SMO: variants seen among roughly 807,000 people sequenced by gnomAD.
The protein encoded by SMO is smoothened, frizzled class receptor, also known as protein smoothened.
Under a neutral mutation model 81.6 loss-of-function variants are expected in SMO, and 40 were observed. The observed-to-expected ratio is 0.49, with a 90% confidence interval of 0.38 to 0.64. The LOEUF (loss-of-function observed/expected upper bound fraction) is 0.64. Ranked by LOEUF, SMO falls within the 30% of genes least tolerant of loss-of-function variation. SMO has a pLI of 0.00. For missense variants in SMO, 916 were observed against 1,061.1 expected, an observed-to-expected ratio of 0.86 and a Z score of 1.90; for synonymous variants, 434 against 432.1, an observed-to-expected ratio of 1.00 and a Z score of -0.05.
chr7:129,211,462 G>A lies in SMO; in HGVS notation c.1802-174G>A. 1.3e-6 allele frequency: 1 copy of A among 776,358 alleles called. No individual in the cohort carries two copies. The highest frequency in any genetic ancestry group is 2.2e-6 in the Non-Finnish European group (1 of 450,560). The allele number at this position is 776,358 out of a possible 1,614,324, so 48.1% of individuals were successfully genotyped here. ...CCAGTTAGGCCCTTTGGGGACGTGA[G>A]GCCCTTCTCTTCAGATTCTGAAGGG... On this transcript the variant is annotated intron_variant, in intron 10 of 11. Transcript: ENST00000249373. The surrounding 1 kb of genome is among the most constrained non-coding windows in gnomAD (Gnocchi z 4.6).
rs539357460 is a variant in SMO, at chr7:129,204,048, A to T, written c.537+459A>T. ...TAATTAGTCCTGTTTACTATATGCC[A>T]AATGCCATTATAATAAGCTCATGCC... On this transcript the variant is annotated intron_variant, in intron 2 of 11. Transcript: ENST00000249373. 1.6e-4 allele frequency among the ~76,000 whole-genome samples: 24 copies of T among 152,234 alleles called. No homozygotes were observed. In the Middle Eastern group the frequency reaches 0.01, roughly 65 times the overall value.
At chr7:129,196,775 C>T (rs141443611) in intron 1 of SMO, among the ~76,000 whole-genome samples, 3,898 of 151,846 alleles carry the variant, frequency 0.026, 157 homozygotes, top group African/African-American at 0.09. Flanking sequence ...CCCAGCACTT[C>T]GGGAGGCCAA....
intron 1 of SMO, among the ~76,000 whole-genome samples, chr7:129,195,923 A>G (rs1793568911): frequency 1.3e-5 from 2 of 151,918 alleles, no homozygotes; most frequent in African/African-American, 2.4e-5. Flanking sequence ...AACACGGTGA[A>G]ACCCCATCTC....
rs1793445367 is a variant in SMO at position 129,189,275 on chromosome 7, CGGAGCGCGGGCG to C, written c.133_144del (p.Gly45_Ala48del). On this transcript the variant is annotated inframe_deletion, in exon 1 of 12. Coordinates refer to ENST00000249373, the MANE Select transcript of SMO (RefSeq NM_005631.5). This position sits in a 1 kb window ranked among gnomAD's most constrained non-coding sequence, Gnocchi z 4.7. ...CGGGAACGCGACCGGGCCTGGGCCT[CGGAGCGCGGGCG>C]GGAGCGCGAGGAGGAGCGCGGCGGT... is the stretch of plus-strand genomic sequence containing the variant. The C allele has an allele frequency of 7.2e-7, 1 of 1,388,966 alleles. No individual in the cohort carries two copies. Among genetic ancestry groups the C allele is most frequent in the Non-Finnish European group, 9.2e-7 (1 of 1,081,588 alleles). The allele number at this position is 1,388,966 out of a possible 1,614,324, so 86.0% of individuals were successfully genotyped here.
In SMO at chr7:129,189,079, C is replaced by A; in HGVS notation, c.-73C>A. On this transcript the variant is annotated 5_prime_UTR_variant, in exon 1 of 12. Coordinates refer to ENST00000249373, the MANE Select transcript of SMO (RefSeq NM_005631.5). The surrounding 1 kb of genome is among the most constrained non-coding windows in gnomAD (Gnocchi z 4.7). Reference sequence around the variant, plus strand: ...GAGCCGCCTCCGCGGCCGCCGAGGTCGTGCGTGTGGCCGGGGGGCTCCGAG... The same window carrying A: ...GAGCCGCCTCCGCGGCCGCCGAGGTAGTGCGTGTGGCCGGGGGGCTCCGAG... The A allele has an allele frequency of 8.4e-7, 1 of 1,191,276 alleles. No homozygotes were observed. The highest frequency in any genetic ancestry group is 4.2e-5 in the South Asian group (1 of 23,584). 73.8% of individuals were successfully genotyped at this position (1,191,276 alleles called of 1,614,324 possible).
Position 129,208,551 on chromosome 7 carries a change from C to T in SMO, c.1265-208C>T, listed in dbSNP as rs34989446. Reference sequence around the variant, plus strand: ...TCTTCAGGGGCAGCTGGGCCACGACCGAGGCTCCCTCTTCTCAAGTGTCTG... The same window carrying T: ...TCTTCAGGGGCAGCTGGGCCACGACTGAGGCTCCCTCTTCTCAAGTGTCTG... On this transcript the variant is annotated intron_variant, in intron 6 of 11. Transcript: ENST00000249373. The surrounding 1 kb of genome is among the most constrained non-coding windows in gnomAD (Gnocchi z 5.2). Among the ~76,000 whole-genome samples, 4,111 of 152,234 alleles carry T rather than the reference C, an allele frequency of 0.027. 84 individuals are homozygous for T. Among genetic ancestry groups the T allele is most frequent in the Admixed American group, 0.06 (918 of 15,294 alleles).
rs2150646826 is a variant in SMO at position 129,203,536 on chromosome 7, G to A, written c.484G>A (p.Gly162Ser). The A allele has an allele frequency of 6.2e-7, 1 of 1,606,286 alleles. No individual in the cohort carries two copies. Among genetic ancestry groups the A allele is most frequent in the Non-Finnish European group, 8.5e-7 (1 of 1,179,656 alleles). Residue 162 changes from glycine (G) to serine (S), a missense_variant, in exon 2 of 12, where the codon GGC becomes AGC. Around this residue, in one of 4 missense-constraint regions of SMO, gnomAD observed 436 missense variants for 570.9 expected, o/e 0.76. Coordinates refer to ENST00000249373, the MANE Select transcript of SMO (RefSeq NM_005631.5). Reference sequence around the variant, plus strand: ...CTGTGCCATCGTGGAGAGGGAGCGGGGCTGGCCTGACTTCCTGCGCTGCAC... The same window carrying A: ...CTGTGCCATCGTGGAGAGGGAGCGGAGCTGGCCTGACTTCCTGCGCTGCAC... ...GPCAIVERER[G>S]WPDFLRCTPD...
At chr7:129,207,046 T>C (rs1793784237) in intron 6 of SMO, among the ~76,000 whole-genome samples, 1 of 152,186 alleles carries the variant, frequency 6.6e-6, no homozygotes, top group South Asian at 2.1e-4. Context: ...GGTTTCACCA[T>C]GTTAGCCAGG....
Position 129,212,963 on chromosome 7 carries a change from TC to T in SMO, c.*515del. 1 of 263,192 alleles carries T rather than the reference TC, an allele frequency of 3.8e-6. No homozygotes were observed. Among genetic ancestry groups the T allele is most frequent in the Non-Finnish European group, 7.3e-6 (1 of 137,904 alleles). 16.3% of individuals were successfully genotyped at this position (263,192 alleles called of 1,614,324 possible). On this transcript the variant is annotated 3_prime_UTR_variant, in exon 12 of 12. Coordinates refer to ENST00000249373, the MANE Select transcript of SMO (RefSeq NM_005631.5). The surrounding 1 kb of genome is among the most constrained non-coding windows in gnomAD (Gnocchi z 5.0). ...GTAGGGCCAGGGCACCGTATTCCTC[TC>T]CCAGGTGTTTGTGGGGCTGGAAGGA...
chr7:129,210,033 G>A lies in SMO; in HGVS notation c.1467-330G>A, dbSNP rs1793843506. ...CAGAGATTCAATTTAATTGTCTAGG[G>A]TGGGTCCCAGGCATCAGTAGCTATT... On this transcript the variant is annotated intron_variant, in intron 8 of 11. Transcript: ENST00000249373. The surrounding 1 kb of genome is among the most constrained non-coding windows in gnomAD (Gnocchi z 4.7). 8.7e-6 allele frequency: 2 copies of A among 228,970 alleles called. No homozygotes were observed. Among genetic ancestry groups the A allele is most frequent in the Non-Finnish European group, 1.8e-5 (2 of 113,712 alleles). 14.2% of individuals were successfully genotyped at this position (228,970 alleles called of 1,614,324 possible).
chr7:129,202,624 G>A (rs1563148492), intron 1 of SMO, among the ~76,000 whole-genome samples: 1 of 152,132 alleles, frequency 6.6e-6, no homozygotes, highest in Non-Finnish European at 1.5e-5. Context: ...ACTGGACAGA[G>A]CCTCTTCTGT....
intron 1 of SMO, among the ~76,000 whole-genome samples, chr7:129,201,557 T>C (rs1037681713): frequency 3.9e-5 from 6 of 152,144 alleles, no homozygotes; most frequent in African/African-American, 1.4e-4. Context: ...CCCCATATAT[T>C]CTCTCATGCT....
intron 1 of SMO, among the ~76,000 whole-genome samples, chr7:129,201,555 A>G (rs1793669895): frequency 6.6e-6 from 1 of 152,062 alleles, no homozygotes; most frequent in Admixed American, 6.6e-5. Flanking sequence ...ACCCCCATAT[A>G]TTCTCTCATG....
chr7:129,189,560 A>G lies in SMO; in HGVS notation c.331+78A>G, dbSNP rs941183059. ...GGGCACCCTTGGAAAGAACAGGCTC[A>G]GGCCTGAGTTTTGGAGAGGGCGGGG... On this transcript the variant is annotated intron_variant, in intron 1 of 11. Transcript: ENST00000249373. This position sits in a 1 kb window ranked among gnomAD's most constrained non-coding sequence, Gnocchi z 4.7. 4.1e-6 allele frequency: 6 copies of G among 1,472,642 alleles called. No homozygotes were observed. The highest frequency in any genetic ancestry group is 3.7e-5 in the South Asian group (3 of 81,162). The allele number at this position is 1,472,642 out of a possible 1,614,324, so 91.2% of individuals were successfully genotyped here.
rs777855917 is a variant in SMO, at chr7:129,211,802, G to A, written c.1936+32G>A. On this transcript the variant is annotated intron_variant, in intron 11 of 11. Coordinates refer to ENST00000249373, the MANE Select transcript of SMO (RefSeq NM_005631.5). This position sits in a 1 kb window ranked among gnomAD's most constrained non-coding sequence, Gnocchi z 4.6. ...GAGTTCAAGCTTCTGGAGGAAGGTG[G>A]GGGGAGCACAGAGGCTGGGGGCTTC... 2 of 1,613,402 alleles carry A rather than the reference G, an allele frequency of 1.2e-6. No homozygotes were observed. Among genetic ancestry groups the A allele is most frequent in the Non-Finnish European group, 1.7e-6 (2 of 1,179,666 alleles).
At chr7:129,193,190 A>T (rs550872615) in intron 1 of SMO, among the ~76,000 whole-genome samples, 13 of 152,320 alleles carry the variant, frequency 8.5e-5, no homozygotes, top group African/African-American at 2.9e-4. Flanking sequence ...TGCAGCTGGC[A>T]GTGGCGATAG....
chr7:129,189,513 G>C lies in SMO; in HGVS notation c.331+31G>C, dbSNP rs1793451564. 1 of 1,533,474 alleles carries C rather than the reference G, an allele frequency of 6.5e-7. No homozygotes were observed. Among genetic ancestry groups the C allele is most frequent in the African/African-American group, 1.4e-5 (1 of 72,940 alleles). The allele number at this position is 1,533,474 out of a possible 1,614,324, so 95.0% of individuals were successfully genotyped here. ...TGCGGCGGAGCCGGGTCTGGGGGGC[G>C]GGAGGTGCCGCGGTAAGATGGGGGC... On this transcript the variant is annotated intron_variant, in intron 1 of 11. Transcript: ENST00000249373. This position sits in a 1 kb window ranked among gnomAD's most constrained non-coding sequence, Gnocchi z 4.7.
At position 129,208,811 on chromosome 7, in the gene SMO, G is replaced by A. The variant is rs200510336; in HGVS notation, c.1317G>A (p.Glu439=). 1.4e-4 allele frequency: 229 copies of A among 1,614,054 alleles called. No individual in the cohort carries two copies. In the Admixed American group the frequency reaches 3.7e-3, roughly 26 times the overall value. Residue 439 remains glutamate, a synonymous_variant, in exon 7 of 12, where the codon GAG becomes GAA. Transcript: ENST00000249373. This position sits in a 1 kb window ranked among gnomAD's most constrained non-coding sequence, Gnocchi z 5.2. ...IKSNHPGLLS[E]KAASKINETM... ...GCAACCACCCCGGGCTGCTGAGTGA[G>A]AAGGCTGCCAGCAAGATCAACGAGA...
rs754378129 is a variant in SMO, at chr7:129,212,475, A to G, written c.*24A>G. The G allele has an allele frequency of 2.5e-6, 4 of 1,593,754 alleles. No individual in the cohort carries two copies. The highest frequency in any genetic ancestry group is 3.4e-6 in the Non-Finnish European group (4 of 1,166,324). ...GAGCCTGCAGAGCAGGACCTGGGAC[A>G]GGAAAGAGAGGAACCAATACCTTCA... is the stretch of plus-strand genomic sequence containing the variant. On this transcript the variant is annotated 3_prime_UTR_variant, in exon 12 of 12. Transcript: ENST00000249373. The surrounding 1 kb of genome is among the most constrained non-coding windows in gnomAD (Gnocchi z 5.0).
Sources: allele counts gnomAD v4.1 joint callset (sites outside exome capture counted in the v4.1 genomes callset), GRCh38; gene constraint gnomAD v4.1.1; regional missense constraint gnomAD v4.1.1; non-coding constraint Gnocchi (gnomAD v3.1); transcripts MANE v1.5; gene names NCBI Gene and HGNC (gene_info 2026-07-23, HGNC 2026-07-21).